TAFA2: variants seen among roughly 807,000 people sequenced by gnomAD.
The protein encoded by TAFA2 is chemokine-like protein TAFA-2.
Under a neutral mutation model 18.8 loss-of-function variants are expected in TAFA2, and 7 were observed. That is an observed-to-expected ratio of 0.37 (90% CI 0.21 to 0.70). TAFA2 has a LOEUF of 0.70. Ranked by LOEUF, TAFA2 falls within the 30% of genes least tolerant of loss-of-function variation. The probability of loss-of-function intolerance (pLI) is 0.53; values close to 1 mark genes in which losing one functional copy is unlikely to be tolerated. For missense variants in TAFA2, 122 were observed against 158.1 expected (o/e 0.77, Z 1.23); for synonymous variants, 60 against 54.2 (o/e 1.11, Z -0.47).
intron 1 of TAFA2, among the ~76,000 whole-genome samples, chr12:62,132,978 A>G (rs982858897): frequency 2.4e-4 from 37 of 152,006 alleles, no homozygotes; most frequent in Admixed American, 4.6e-4. Flanking sequence ...TTTCAATACA[A>G]TATTGTCCAG....
At chr12:62,065,940 T>C (rs1882474742) in intron 1 of TAFA2, among the ~76,000 whole-genome samples, 1 of 152,002 alleles carries the variant, frequency 6.6e-6, no homozygotes, top group South Asian at 2.1e-4. Context: ...AATATCAATG[T>C]AATCTTGAAA....
chr12:62,231,569 T>C (rs1317908697), intron 1 of TAFA2, among the ~76,000 whole-genome samples: 2 of 152,216 alleles, frequency 1.3e-5, no homozygotes, highest in Non-Finnish European at 2.9e-5. Flanking sequence ...TTACATTCAG[T>C]GTTATTATTG....
intron 1 of TAFA2, among the ~76,000 whole-genome samples, chr12:61,952,851 G>A (rs1013165076): frequency 1.3e-5 from 2 of 151,872 alleles, no homozygotes; most frequent in Non-Finnish European, 2.9e-5. Context: ...TATATATATG[G>A]TCACATAAAG....
At chr12:62,252,514 T>C (rs1421005537) in intron 1 of TAFA2, 1 of 152,170 alleles carries the variant, frequency 6.6e-6, no homozygotes, top group Non-Finnish European at 1.5e-5. Context: ...AAATCCCCAA[T>C]TGGGTCACTG....
chr12:61,808,034 G>T (rs530989776), intron 2 of TAFA2, among the ~76,000 whole-genome samples: 1 of 151,548 alleles, frequency 6.6e-6, no homozygotes, highest in Non-Finnish European at 1.5e-5. Context: ...AGGCAAGATT[G>T]GTTTTCAAAT....
At chr12:62,221,671 G>C (rs533050876) in intron 1 of TAFA2, among the ~76,000 whole-genome samples, 1 of 152,204 alleles carries the variant, frequency 6.6e-6, no homozygotes, top group South Asian at 2.1e-4. Context: ...TGATTCATGA[G>C]AATCAATTCC....
intron 1 of TAFA2, among the ~76,000 whole-genome samples, chr12:62,018,812 A>C (rs1309879186): frequency 6.6e-6 from 1 of 152,242 alleles, no homozygotes; most frequent in Middle Eastern, 3.2e-3. Flanking sequence ...ACAAAAGCCA[A>C]AATTGACAAA....
intron 1 of TAFA2, among the ~76,000 whole-genome samples, chr12:62,134,221 C>T (rs1870804542): frequency 6.6e-6 from 1 of 151,902 alleles, no homozygotes; most frequent in African/African-American, 2.4e-5. Context: ...ACTGTTGATA[C>T]AAACTGAATA....
chr12:62,243,217 T>C (rs2062870690), intron 1 of TAFA2, among the ~76,000 whole-genome samples: 2 of 152,188 alleles, frequency 1.3e-5, no homozygotes, highest in Admixed American at 1.3e-4. Flanking sequence ...ATTGAGACAA[T>C]GTTTGAATGT....
chr12:61,842,367 A>G (rs146084684), intron 2 of TAFA2, among the ~76,000 whole-genome samples: 1 of 151,946 alleles, frequency 6.6e-6, no homozygotes, highest in East Asian at 1.9e-4. Context: ...TCAGATCAGC[A>G]TGTTTTTTTA....
chr12:61,892,866 T>C (rs1182552505), intron 1 of TAFA2, among the ~76,000 whole-genome samples: 2 of 152,142 alleles, frequency 1.3e-5, no homozygotes, highest in African/African-American at 4.8e-5. Context: ...GTCCTAATAG[T>C]TTATAGAGTG....
intron 1 of TAFA2, among the ~76,000 whole-genome samples, chr12:62,042,611 A>G (rs1046459749): frequency 1.3e-4 from 20 of 152,044 alleles, no homozygotes; most frequent in South Asian, 4.2e-4. Flanking sequence ...ATATCTACCT[A>G]GAATCCTAAG....
chr12:61,898,239 T>G (rs1875941267), intron 1 of TAFA2, among the ~76,000 whole-genome samples: 1 of 152,208 alleles, frequency 6.6e-6, no homozygotes, highest in African/African-American at 2.4e-5. Context: ...AGTGTCTGCA[T>G]CTTTTCCAGA....
chr12:62,010,162 C>T (rs1387196067), intron 1 of TAFA2, among the ~76,000 whole-genome samples: 3 of 147,122 alleles, frequency 2.0e-5, no homozygotes, highest in African/African-American at 5.1e-5. Flanking sequence ...TCTCCCCCTC[C>T]CCCTCCCCCT....
At chr12:62,173,726 G>A (rs2062494311) in intron 1 of TAFA2, among the ~76,000 whole-genome samples, 1 of 152,150 alleles carries the variant, frequency 6.6e-6, no homozygotes, top group Non-Finnish European at 1.5e-5. Flanking sequence ...ACAACCTCTA[G>A]TGTTGGAAAT....
intron 4 of TAFA2, among the ~76,000 whole-genome samples, chr12:61,741,051 T>C (rs1868420581): frequency 6.6e-6 from 1 of 152,116 alleles, no homozygotes; most frequent in African/African-American, 2.4e-5. Flanking sequence ...TTCAACTGAA[T>C]GGCTGATTTT....
intron 1 of TAFA2, among the ~76,000 whole-genome samples, chr12:61,890,588 G>C (rs986104252): frequency 6.6e-6 from 1 of 152,210 alleles, no homozygotes; most frequent in Non-Finnish European, 1.5e-5. Flanking sequence ...GAGGGAGGGA[G>C]GTCTTAATAG....
At position 61,811,131 on chromosome 12, in the gene TAFA2, G is replaced by A. The variant is rs959723103; in HGVS notation, c.107-56107C>T. Among the ~76,000 whole-genome samples the A allele has an allele frequency of 4.6e-5, 7 of 151,146 alleles. 1 individual carries two copies. The highest frequency in any genetic ancestry group is 3.4e-3 in the Middle Eastern group (1 of 294). On this transcript the variant is annotated intron_variant, in intron 2 of 4. Coordinates refer to ENST00000416284, the MANE Select transcript of TAFA2 (RefSeq NM_178539.5). ...TCCTTAAAAAGGGAAGTTTTTAAAC[G>A]GCAATGTCCACAGAGTAACACACAA...
intron 1 of TAFA2, among the ~76,000 whole-genome samples, chr12:62,040,274 A>C (rs1881723103): frequency 6.6e-6 from 1 of 152,104 alleles, no homozygotes; most frequent in Non-Finnish European, 1.5e-5. Context: ...TGAGGTCAGA[A>C]CCTTTGGGAA....
Sources: allele counts gnomAD v4.1 joint callset (sites outside exome capture counted in the v4.1 genomes callset), GRCh38; gene constraint gnomAD v4.1.1; transcripts MANE v1.5; gene names NCBI Gene and HGNC (gene_info 2026-07-23, HGNC 2026-07-21).